The following HS3ST5 variants were observed in gnomAD, a reference collection of about 807,000 sequenced individuals.
The protein encoded by HS3ST5 is heparan sulfate glucosamine 3-O-sulfotransferase 5.
Under a neutral mutation model 25.4 loss-of-function variants are expected in HS3ST5, and 10 were observed. That is an observed-to-expected ratio of 0.39 (90% CI 0.24 to 0.67). The LOEUF (loss-of-function observed/expected upper bound fraction) is 0.67, where lower values mean the gene tolerates loss of function less well. Among genes scored for constraint, HS3ST5 ranks in the 30% least tolerant of loss-of-function variants. The pLI is 0.44. For missense variants in HS3ST5, 324 were observed against 420.7 expected (o/e 0.77, Z 2.01); for synonymous variants, 170 against 162.4 (o/e 1.05, Z -0.36).
intron 3 of HS3ST5, among the ~76,000 whole-genome samples, chr6:114,070,273 G>A (rs1385838675): frequency 1.3e-5 from 2 of 150,092 alleles, no homozygotes; most frequent in Non-Finnish European, 1.5e-5. Context: ...TAGAGGATGG[G>A]GAGATGAAAA....
At chr6:114,163,859 C>T (rs997875669) in intron 3 of HS3ST5, among the ~76,000 whole-genome samples, 3 of 152,086 alleles carry the variant, frequency 2.0e-5, no homozygotes, top group African/African-American at 7.2e-5. Flanking sequence ...GCAGAGGGGT[C>T]TAAAAGATCT....
At chr6:114,097,594 T>C (rs371062788) in intron 3 of HS3ST5, among the ~76,000 whole-genome samples, 1 of 151,966 alleles carries the variant, frequency 6.6e-6, no homozygotes, top group Admixed American at 6.6e-5. Context: ...CATAAATATA[T>C]AAAATTCTGT....
At chr6:114,198,582 G>A (rs1322216971) in intron 2 of HS3ST5, among the ~76,000 whole-genome samples, 5 of 152,090 alleles carry the variant, frequency 3.3e-5, no homozygotes, top group African/African-American at 9.7e-5. Flanking sequence ...TCTACACATC[G>A]GCAGAGCTGA....
intron 3 of HS3ST5, among the ~76,000 whole-genome samples, chr6:114,114,875 T>G (rs1776442590): frequency 6.6e-6 from 1 of 152,120 alleles, no homozygotes; most frequent in South Asian, 2.1e-4. Context: ...TGTTAAAAGG[T>G]TATGTGAACA....
chr6:114,310,719 A>T (rs977077774), intron 1 of HS3ST5, among the ~76,000 whole-genome samples: 1 of 152,184 alleles, frequency 6.6e-6, no homozygotes, highest in African/African-American at 2.4e-5. Flanking sequence ...ACCATCGTAG[A>T]GTTGAAAAAT....
At chr6:114,341,881 G>C (rs902832484) in intron 1 of HS3ST5, among the ~76,000 whole-genome samples, 6 of 152,070 alleles carry the variant, frequency 3.9e-5, no homozygotes, top group South Asian at 2.1e-4. Flanking sequence ...CCCTCAAAGA[G>C]AGCGCTACCC....
At chr6:114,283,185 T>A (rs557913113) in intron 1 of HS3ST5, among the ~76,000 whole-genome samples, 148 of 152,092 alleles carry the variant, frequency 9.7e-4, no homozygotes, top group African/African-American at 3.5e-3. Flanking sequence ...AAGTCTAGAT[T>A]TCAGTCTTTG....
chr6:114,232,963 G>A (rs1333597679), intron 1 of HS3ST5, among the ~76,000 whole-genome samples: 1 of 151,632 alleles, frequency 6.6e-6, no homozygotes, highest in Non-Finnish European at 1.5e-5. Context: ...CCTTTCCACA[G>A]TTCTCAGGCT....
intron 1 of HS3ST5, among the ~76,000 whole-genome samples, chr6:114,310,186 T>G (rs57308480): frequency 1.3e-5 from 2 of 152,174 alleles, no homozygotes; most frequent in African/African-American, 2.4e-5. Flanking sequence ...ATCTGAAATA[T>G]CTTTCAAATG....
chr6:114,195,381 T>C (rs1780687181), intron 2 of HS3ST5, among the ~76,000 whole-genome samples: 1 of 152,134 alleles, frequency 6.6e-6, no homozygotes. Context: ...CCAGACCCAC[T>C]GCCCATGTCA....
chr6:114,137,047 G>GT (rs1777652191), intron 3 of HS3ST5, among the ~76,000 whole-genome samples: 1 of 152,074 alleles, frequency 6.6e-6, no homozygotes, highest in Non-Finnish European at 1.5e-5. Context: ...TTGCCAATGT[G>GT]TTTTTTTCCT....
chr6:114,066,841 GC>G (rs1369599413), intron 3 of HS3ST5, among the ~76,000 whole-genome samples: 1 of 151,946 alleles, frequency 6.6e-6, no homozygotes, highest in Non-Finnish European at 1.5e-5. Context: ...ATTTTCTATG[GC>G]CCTGTATAGT....
chr6:114,072,706 G>T (rs1157643676), intron 3 of HS3ST5, among the ~76,000 whole-genome samples: 1 of 152,104 alleles, frequency 6.6e-6, no homozygotes, highest in African/African-American at 2.4e-5. Context: ...TCGTGAAAAT[G>T]GCCATACTGC....
intron 3 of HS3ST5, chr6:114,084,209 G>A (rs1443167987): frequency 3.7e-6 from 4 of 1,088,454 alleles, no homozygotes; most frequent in Non-Finnish European, 5.6e-6. Context: ...TCAGTGGCCT[G>A]AGCAATGGGA....
At chr6:114,248,301 A>C (rs1047395404) in intron 1 of HS3ST5, among the ~76,000 whole-genome samples, 1 of 150,676 alleles carries the variant, frequency 6.6e-6, no homozygotes, top group South Asian at 2.1e-4. Flanking sequence ...TTTGGGAACT[A>C]GATCTATAGT....
chr6:114,288,366 C>G (rs988378240), intron 1 of HS3ST5, among the ~76,000 whole-genome samples: 1 of 151,846 alleles, frequency 6.6e-6, no homozygotes, highest in Admixed American at 6.6e-5. Context: ...TTATGAACTG[C>G]GATTATATTA....
At chr6:114,217,732 G>A (rs1202660334) in intron 2 of HS3ST5, among the ~76,000 whole-genome samples, 4 of 152,158 alleles carry the variant, frequency 2.6e-5, no homozygotes, top group Non-Finnish European at 5.9e-5. Context: ...AGGTGTCCAA[G>A]GTCACGCAGC....
rs1309758432 is a variant in HS3ST5, at chr6:114,057,217, G to GTC, written c.*38_*39dup. The GTC allele has an allele frequency of 7.2e-7, 1 of 1,395,280 alleles. No individual in the cohort carries two copies. The highest frequency in any genetic ancestry group is 1.2e-5 in the South Asian group (1 of 80,538). The allele number at this position is 1,395,280 out of a possible 1,614,324, so 86.4% of individuals were successfully genotyped here. On this transcript the variant is annotated 3_prime_UTR_variant, in exon 5 of 5. Transcript: ENST00000312719. ...TTTTAATCTACAGGAGACATTGTGT[G>GTC]TCTCCAGGCACAACACATAGTGTTG...
chr6:114,235,285 G>A (rs1227154356), intron 1 of HS3ST5, among the ~76,000 whole-genome samples: 9 of 152,082 alleles, frequency 5.9e-5, no homozygotes, highest in South Asian at 2.1e-4. Context: ...TTTAGAATAC[G>A]CTATGATAGC....
Sources: allele counts gnomAD v4.1 joint callset (sites outside exome capture counted in the v4.1 genomes callset), GRCh38; gene constraint gnomAD v4.1.1; transcripts MANE v1.5; gene names NCBI Gene and HGNC (gene_info 2026-07-23, HGNC 2026-07-21).